CWH43: variants seen among roughly 807,000 people sequenced by gnomAD.
The protein encoded by CWH43 is cell wall biogenesis 43 C-terminal homolog.
Under a neutral mutation model 85.7 loss-of-function variants are expected in CWH43, and 91 were observed. The observed-to-expected ratio is 1.06, with a 90% CI of 0.90 to 1.26. The LOEUF (loss-of-function observed/expected upper bound fraction) is 1.26, where lower values mean the gene tolerates loss of function less well. Ranked by LOEUF, CWH43 falls within the 50% of genes most tolerant of loss-of-function variation. CWH43 has a pLI of 0.00. For synonymous variants in CWH43, 323 were observed against 293.6 expected (o/e 1.10, Z -1.02); for missense variants, 869 against 839.2 (o/e 1.04, Z -0.44).
chr4:48,991,616 A>G, intron 3 of CWH43, 42 bp downstream of exon 3: 1 of 1,599,648 alleles, frequency 6.3e-7, no homozygotes, highest in Non-Finnish European at 8.5e-7. Context: ...AACAAGTATA[A>G]CCAGTTACCA....
intron 8 of CWH43, chr4:49,016,858 G>A: frequency 2.6e-6 from 2 of 782,648 alleles, no homozygotes; most frequent in South Asian, 1.3e-5. Flanking sequence ...CCAAAGACAT[G>A]CCTTCTCTCC....
At chr4:49,017,372 A>G (rs1465132324) in intron 9 of CWH43, 44 bp downstream of exon 9, 2 of 1,303,426 alleles carry the variant, frequency 1.5e-6, no homozygotes, top group Admixed American at 3.8e-5. Context: ...TATGGTATAT[A>G]TATGTGCATA....
chr4:49,009,015 G>A (rs1040043300), intron 8 of CWH43, among the ~76,000 whole-genome samples: 10 of 152,158 alleles, frequency 6.6e-5, no homozygotes, highest in Non-Finnish European at 1.3e-4. Context: ...TGTGAAGAAA[G>A]TCATTGGTGA....
intron 11 of CWH43, among the ~76,000 whole-genome samples, chr4:49,032,018 A>G (rs1244432311): frequency 1.3e-5 from 2 of 152,184 alleles, no homozygotes; most frequent in African/African-American, 2.4e-5. Flanking sequence ...ACCTTCAGCT[A>G]TCATCGTATA....
intron 11 of CWH43, among the ~76,000 whole-genome samples, chr4:49,031,803 G>T (rs1784107574): frequency 6.6e-6 from 1 of 152,166 alleles, no homozygotes; most frequent in South Asian, 2.1e-4. Context: ...AGATGTCAGG[G>T]GAGGGGAAGG....
At chr4:49,011,640 T>C (rs1301805593) in intron 8 of CWH43, among the ~76,000 whole-genome samples, 2 of 152,218 alleles carry the variant, frequency 1.3e-5, no homozygotes, top group African/African-American at 2.4e-5. Flanking sequence ...TGTCCATGTT[T>C]AGTGCTTCCT....
At chr4:49,046,695 G>T (rs1784634275) in intron 14 of CWH43, among the ~76,000 whole-genome samples, 2 of 152,060 alleles carry the variant, frequency 1.3e-5, no homozygotes, top group African/African-American at 2.4e-5. Flanking sequence ...GGCGGGGAAA[G>T]TTTGAGAGGA....
intron 5 of CWH43, among the ~76,000 whole-genome samples, chr4:48,995,860 A>G (rs1224289663): frequency 6.6e-6 from 1 of 151,958 alleles, no homozygotes; most frequent in East Asian, 1.9e-4. Context: ...GTTGTCTCCT[A>G]ATTGTCTCTC....
At chr4:49,017,127 C>T in intron 8 of CWH43, 122 bp from the exon 9 acceptor site, 1 of 838,522 alleles carries the variant, frequency 1.2e-6, no homozygotes, top group Non-Finnish European at 2.0e-6. Context: ...TCCAGGTCCT[C>T]CAAGAAGAAC....
At chr4:49,015,870 T>G (rs1783527150) in intron 8 of CWH43, among the ~76,000 whole-genome samples, 1 of 152,208 alleles carries the variant, frequency 6.6e-6, no homozygotes, top group Admixed American at 6.5e-5. Flanking sequence ...CAAAATTTTC[T>G]GATTATTTAT....
intron 9 of CWH43, among the ~76,000 whole-genome samples, chr4:49,024,430 G>GT (rs944814939): frequency 6.6e-6 from 1 of 151,852 alleles, no homozygotes; most frequent in African/African-American, 2.4e-5. Context: ...TTTTGTTGTT[G>GT]TTTTTTTAAG....
chr4:49,016,874 C>T, intron 8 of CWH43: 1 of 784,486 alleles, frequency 1.3e-6, no homozygotes, highest in South Asian at 1.3e-5. Flanking sequence ...TCTCCGAGTG[C>T]CCCAGGACTA....
chr4:49,022,179 G>T (rs1313514500), intron 9 of CWH43, among the ~76,000 whole-genome samples: 1 of 152,132 alleles, frequency 6.6e-6, no homozygotes, highest in Admixed American at 6.5e-5. Context: ...AATGTTGGCC[G>T]TGGGTTTATA....
chr4:49,025,330 A>G (rs1173090771), intron 9 of CWH43, among the ~76,000 whole-genome samples: 2 of 151,928 alleles, frequency 1.3e-5, no homozygotes, highest in African/African-American at 2.4e-5. Context: ...CTTAATAGTC[A>G]ACCTTCTGAA....
chr4:49,042,358 A>G (rs1784489362), intron 13 of CWH43, among the ~76,000 whole-genome samples: 1 of 152,188 alleles, frequency 6.6e-6, no homozygotes, highest in South Asian at 2.1e-4. Flanking sequence ...CCACAGATGG[A>G]TCCCTGATTT....
At chr4:49,011,362 C>T (rs535714208) in intron 8 of CWH43, among the ~76,000 whole-genome samples, 1 of 151,996 alleles carries the variant, frequency 6.6e-6, no homozygotes, top group South Asian at 2.1e-4. Context: ...ATTTTGAGCC[C>T]ATGTGTGTGT....
chr4:49,023,055 A>G (rs1353567164), intron 9 of CWH43, among the ~76,000 whole-genome samples: 1 of 151,246 alleles, frequency 6.6e-6, no homozygotes, highest in Non-Finnish European at 1.5e-5. Context: ...TCTGATTTTT[A>G]TTATTTCTTT....
At chr4:49,007,370 A>G (rs1349969502) in intron 8 of CWH43, 44 bp downstream of exon 8, 1 of 1,471,388 alleles carries the variant, frequency 6.8e-7, no homozygotes, top group African/African-American at 1.4e-5. Flanking sequence ...ATTATATAAA[A>G]TTCTAAACGT....
chr4:49,043,197 T>G (rs1030478373), intron 13 of CWH43, among the ~76,000 whole-genome samples: 1 of 152,176 alleles, frequency 6.6e-6, no homozygotes, highest in Admixed American at 6.6e-5. Context: ...GATGATGAAA[T>G]AGAAGATAAC....
Sources: gnomAD v4.1 joint callset for allele counts (sites outside exome capture counted in the v4.1 genomes callset) on GRCh38, gnomAD v4.1.1 for gene constraint, MANE v1.5 for transcripts, NCBI Gene and HGNC (gene_info 2026-07-23, HGNC 2026-07-21) for gene names.